The following PDE10A variants were observed in gnomAD, a reference collection of about 807,000 sequenced individuals.
The protein encoded by PDE10A is phosphodiesterase 10A.
A neutral mutation model predicts 97.7 loss-of-function variants in PDE10A; 39 were observed. That is an observed-to-expected ratio of 0.40 (90% confidence interval 0.31 to 0.52). The LOEUF (loss-of-function observed/expected upper bound fraction) is 0.52. PDE10A is among the 20% of genes least tolerant of loss of function. The pLI is 0.56. For missense variants in PDE10A, 731 were observed against 1,047.8 expected, an observed-to-expected ratio of 0.70 and a Z score of 4.17; for synonymous variants, 371 against 376.8, an observed-to-expected ratio of 0.98 and a Z score of 0.18.
At chr6:165,474,536 G>A (rs942177422) in intron 3 of PDE10A, among the ~76,000 whole-genome samples, 12 of 152,018 alleles carry the variant, frequency 7.9e-5, no homozygotes, top group African/African-American at 2.4e-4. Context: ...AACTACCATC[G>A]AGTATTATGC....
chr6:165,774,354 C>A (rs185317863), intron 1 of PDE10A, among the ~76,000 whole-genome samples: 1 of 151,406 alleles, frequency 6.6e-6, no homozygotes, highest in Admixed American at 6.6e-5. Flanking sequence ...AAACAAATTG[C>A]AGGGACATGT....
At chr6:165,750,301 G>A (rs1273732176) in intron 1 of PDE10A, among the ~76,000 whole-genome samples, 2 of 152,216 alleles carry the variant, frequency 1.3e-5, no homozygotes, top group African/African-American at 4.8e-5. Flanking sequence ...TCCAAATAAA[G>A]GGGTCAGACA....
At chr6:165,838,160 T>C (rs1780118944) in intron 1 of PDE10A, among the ~76,000 whole-genome samples, 1 of 152,200 alleles carries the variant, frequency 6.6e-6, no homozygotes, top group Non-Finnish European at 1.5e-5. Flanking sequence ...TTCCCACAAT[T>C]TATAACATCT....
At chr6:165,619,447 GTC>G (rs1787972113) in intron 1 of PDE10A, among the ~76,000 whole-genome samples, 3 of 58,134 alleles carry the variant, frequency 5.2e-5, no homozygotes, top group Admixed American at 1.7e-4. Flanking sequence ...GTGTAGTATA[GTC>G]TAGTGTAGTG....
intron 1 of PDE10A, among the ~76,000 whole-genome samples, chr6:165,829,224 T>C (rs914119426): frequency 2.6e-5 from 4 of 152,340 alleles, no homozygotes; most frequent in Admixed American, 6.5e-5. Context: ...GCCTCCCTGA[T>C]ATCGCTGCTC....
At chr6:165,804,959 T>C (rs1451546529) in intron 1 of PDE10A, among the ~76,000 whole-genome samples, 1 of 51,114 alleles carries the variant, frequency 2.0e-5, no homozygotes, top group Non-Finnish European at 4.1e-5. Flanking sequence ...TGGAGAGACG[T>C]GGGGGCGCAC....
upstream of PDE10A, among the ~76,000 whole-genome samples, chr6:165,664,404 T>C (rs1790443203): frequency 6.6e-6 from 1 of 152,134 alleles, no homozygotes; most frequent in African/African-American, 2.4e-5. Context: ...AGCTGAGCAG[T>C]TGGGATGCAA....
intron 1 of PDE10A, among the ~76,000 whole-genome samples, chr6:165,796,252 C>T (rs1409922574): frequency 1.3e-5 from 2 of 151,942 alleles, no homozygotes; most frequent in Admixed American, 6.6e-5. Context: ...CCCGCCACCA[C>T]GCCCAGCTAA....
rs145442686 is a variant in PDE10A at position 165,906,204 on chromosome 6, G to A, written c.-615+81325C>T. Among the ~76,000 whole-genome samples, 733 of 149,912 alleles carry A rather than the reference G, an allele frequency of 4.9e-3. 2 individuals carry two copies. The highest frequency in any genetic ancestry group is 0.017 in the African/African-American group (683 of 40,576). The stretch of plus-strand genomic sequence containing the variant: ...CTCCTGGAGAAGAGCTTAAAGTCAC[G>A]TAAGACCCTTCTTTGTCACAAAGTC... On this transcript the variant is annotated intron_variant, in intron 1 of 19. Coordinates refer to the PDE10A transcript ENST00000366882.
rs374183667 is a variant in PDE10A at position 165,804,749 on chromosome 6, C to T, written c.-615+182780G>A. Among the ~76,000 whole-genome samples the T allele has an allele frequency of 1.4e-3, 217 of 151,816 alleles. 1 individual carries two copies. The highest frequency in any genetic ancestry group is 5.1e-3 in the African/African-American group (210 of 41,426). ...GGAGGGTGTCCGGGTGAGGGGTGAG[C>T]GCGGGGTCGGGGAGCGGCGGCGGGG... On this transcript the variant is annotated intron_variant, in intron 1 of 19. Coordinates refer to the PDE10A transcript ENST00000366882.
At chr6:165,567,035 T>C (rs1784809923) in intron 1 of PDE10A, among the ~76,000 whole-genome samples, 2 of 152,330 alleles carry the variant, frequency 1.3e-5, no homozygotes, top group South Asian at 4.1e-4. Context: ...AGCCAAAACA[T>C]GGAAACTACC....
intron 1 of PDE10A, among the ~76,000 whole-genome samples, chr6:165,615,616 TTAAAG>T (rs1254986019): frequency 1.3e-5 from 2 of 151,666 alleles, no homozygotes; most frequent in African/African-American, 4.9e-5. Context: ...ATTGAAATAT[TTAAAG>T]TAAGTTTTAT....
intron 1 of PDE10A, among the ~76,000 whole-genome samples, chr6:165,747,732 C>T (rs1792874898): frequency 6.6e-6 from 1 of 152,210 alleles, no homozygotes; most frequent in Admixed American, 6.5e-5. Flanking sequence ...GGAGAGTGTT[C>T]TGCAGCATGC....
At chr6:165,348,855 C>T (rs1782494400) in intron 18 of PDE10A, among the ~76,000 whole-genome samples, 1 of 152,100 alleles carries the variant, frequency 6.6e-6, no homozygotes, top group Non-Finnish European at 1.5e-5. Flanking sequence ...TCCCCCTTTG[C>T]TGGGCACTCA....
intron 1 of PDE10A, among the ~76,000 whole-genome samples, chr6:165,759,214 G>A (rs565383635): frequency 1.3e-5 from 2 of 152,326 alleles, no homozygotes; most frequent in South Asian, 4.1e-4. Flanking sequence ...ACAGGATGAA[G>A]TATTTTCTGT....
intron 3 of PDE10A, among the ~76,000 whole-genome samples, chr6:165,457,694 G>A (rs1196944471): frequency 6.6e-6 from 1 of 152,116 alleles, no homozygotes; most frequent in Non-Finnish European, 1.5e-5. Flanking sequence ...TTGGAACACA[G>A]TTTGGGAACC....
intron 1 of PDE10A, among the ~76,000 whole-genome samples, chr6:165,938,896 T>C (rs1046969838): frequency 3.9e-5 from 6 of 152,124 alleles, no homozygotes; most frequent in Non-Finnish European, 5.9e-5. Context: ...TTTGGAGAAA[T>C]AAAATCTTTA....
intron 1 of PDE10A, among the ~76,000 whole-genome samples, chr6:165,985,109 G>C (rs927310508): frequency 6.6e-6 from 1 of 152,220 alleles, no homozygotes; most frequent in Non-Finnish European, 1.5e-5. Context: ...CTGCAGGAAG[G>C]AATCGGTCAC....
chr6:165,812,112 A>T (rs1314227315), intron 1 of PDE10A, among the ~76,000 whole-genome samples: 2 of 152,026 alleles, frequency 1.3e-5, no homozygotes, highest in African/African-American at 4.8e-5. Context: ...TCGGCCTCCC[A>T]AAATGTTGGG....
Sources: allele counts gnomAD v4.1 joint callset (sites outside exome capture counted in the v4.1 genomes callset), GRCh38; gene constraint gnomAD v4.1.1; transcripts MANE v1.5; gene names NCBI Gene and HGNC (gene_info 2026-07-23, HGNC 2026-07-21).